CALB1: variants seen among roughly 807,000 people sequenced by gnomAD.
CALB1 encodes the protein calbindin.
A neutral mutation model predicts 46.7 loss-of-function variants in CALB1; 16 were observed. That is an observed-to-expected ratio of 0.34 (90% CI 0.23 to 0.52). CALB1 has a LOEUF of 0.52. Ranked by LOEUF, CALB1 falls within the 20% of genes least tolerant of loss-of-function variation. The probability of loss-of-function intolerance (pLI) is 0.95; values close to 1 mark genes in which losing one functional copy is unlikely to be tolerated. For missense variants in CALB1, 224 were observed against 300.3 expected (o/e 0.75, Z 1.88); for synonymous variants, 90 against 112.8 (o/e 0.80, Z 1.28).
rs766284606 is a variant in CALB1 at position 90,082,718 on chromosome 8, T to C, written c.-21A>G. 1.2e-6 allele frequency: 2 copies of C among 1,608,078 alleles called. No individual in the cohort carries two copies. Among genetic ancestry groups the C allele is most frequent in the Non-Finnish European group, 8.5e-7 (1 of 1,174,494 alleles). ...GCCATTGTACAGCGGGGTGTGTGTCTGGGTGTGTGAATATGCGTGTGTCTG... is the reference window on the plus strand; with the variant it reads ...GCCATTGTACAGCGGGGTGTGTGTCCGGGTGTGTGAATATGCGTGTGTCTG... On this transcript the variant is annotated 5_prime_UTR_variant, in exon 1 of 11. Transcript: ENST00000265431.
At chr8:90,065,840 A>G (rs1410522473) in intron 6 of CALB1, 58 bp downstream of exon 6, 12 of 1,110,934 alleles carry the variant, frequency 1.1e-5, no homozygotes, top group Non-Finnish European at 1.2e-5. Context: ...GGGAGTTAGC[A>G]AGAACATCAT....
chr8:90,073,061 G>T (rs898039461), intron 3 of CALB1, among the ~76,000 whole-genome samples: 9 of 152,154 alleles, frequency 5.9e-5, no homozygotes, highest in Non-Finnish European at 8.8e-5. Context: ...TGAGGATGGG[G>T]TCTGTGTCTT....
intron 2 of CALB1, chr8:90,081,543 C>A: frequency 4.3e-6 from 3 of 702,152 alleles, no homozygotes; most frequent in Non-Finnish European, 5.3e-6. Flanking sequence ...GGCAGAAATG[C>A]ATTTCCACCC....
intron 3 of CALB1, among the ~76,000 whole-genome samples, chr8:90,076,353 G>A (rs1790978441): frequency 6.6e-6 from 1 of 151,896 alleles, no homozygotes; most frequent in African/African-American, 2.4e-5. Context: ...GAACATGGCT[G>A]GGTTCTGACT....
chr8:90,076,442 A>C (rs1814624374), intron 3 of CALB1, among the ~76,000 whole-genome samples: 1 of 152,092 alleles, frequency 6.6e-6, no homozygotes, highest in African/African-American at 2.4e-5. Flanking sequence ...ACTATAAAAT[A>C]GATCTTCATT....
chr8:90,082,383 C>G, intron 1 of CALB1: 1 of 605,764 alleles, frequency 1.7e-6, no homozygotes, highest in South Asian at 2.0e-5. Flanking sequence ...CCTACCATTA[C>G]CGTTCCTGGA....
chr8:90,068,862 T>A (rs938453693), intron 5 of CALB1, 136 bp downstream of exon 5: 2 of 597,566 alleles, frequency 3.3e-6, no homozygotes, highest in Admixed American at 3.2e-5. Flanking sequence ...TCATTAACAA[T>A]GTCGAAGAGT....
chr8:90,060,747 T>C (rs544024624), intron 9 of CALB1, 47 bp from the exon 10 acceptor site: 60 of 1,329,190 alleles, frequency 4.5e-5, no homozygotes, highest in Non-Finnish European at 6.2e-5. Context: ...CCATCTACAG[T>C]AGTGGGAAAT....
At position 90,063,340 on chromosome 8, in the gene CALB1, A is replaced by G; in HGVS notation, c.507-20T>C. 6.3e-7 allele frequency: 1 copy of G among 1,576,974 alleles called. No individual in the cohort carries two copies. Among genetic ancestry groups the G allele is most frequent in the South Asian group, 1.1e-5 (1 of 88,546 alleles). ...AGTAACCTTTTGAGAGAAAAACATT[A>G]TATTAATATATTACATTTTTTGAAA... On this transcript the variant is annotated intron_variant, in intron 7 of 10. Coordinates refer to ENST00000265431, the MANE Select transcript of CALB1 (RefSeq NM_004929.4).
chr8:90,060,296 A>G lies in CALB1; in HGVS notation c.673-10T>C. 1 of 1,474,154 alleles carries G rather than the reference A, an allele frequency of 6.8e-7. No homozygotes were observed. 91.3% of individuals were successfully genotyped at this position (1,474,154 alleles called of 1,614,324 possible). A position where few individuals can be genotyped will look rare whatever the true frequency, so the allele number is the denominator to read the frequency against. On this transcript the variant is annotated splice_polypyrimidine_tract_variant and intron_variant, in intron 10 of 10. Coordinates refer to ENST00000265431, the MANE Select transcript of CALB1 (RefSeq NM_004929.4). ...TATTAATATCCAGATCCTGTACAGA[A>G]TATAAATGGCATTGTAATCCAGTTA...
intron 3 of CALB1, among the ~76,000 whole-genome samples, chr8:90,071,303 G>C (rs553919097): frequency 6.6e-6 from 1 of 151,982 alleles, no homozygotes; most frequent in Non-Finnish European, 1.5e-5. Flanking sequence ...TTCCTCATCT[G>C]TAAGTGGGCT....
At chr8:90,068,244 T>C (rs1814435556) in intron 5 of CALB1, among the ~76,000 whole-genome samples, 1 of 152,194 alleles carries the variant, frequency 6.6e-6, no homozygotes, top group South Asian at 2.1e-4. Context: ...ATTTTAAAGA[T>C]TAAAGAAAAT....
Position 90,081,275 on chromosome 8 carries a change from C to CT in CALB1, c.156+750dup, listed in dbSNP as rs558982874. On this transcript the variant is annotated intron_variant, in intron 2 of 10. Coordinates refer to ENST00000265431, the MANE Select transcript of CALB1 (RefSeq NM_004929.4). ...TGCTGCCCATCAGAGTATCACTTTG[C>CT]TTTTTTTACAATACATGAAATTCTT... is the stretch of plus-strand genomic sequence containing the variant. 416 of 156,968 alleles carry CT rather than the reference C, an allele frequency of 2.7e-3. 2 individuals carry two copies. The highest frequency in any genetic ancestry group is 5.6e-3 in the Admixed American group (85 of 15,284). The allele number at this position is 156,968 out of a possible 1,614,324, so 9.7% of individuals were successfully genotyped here.
chr8:90,064,804 A>C (rs1160904568), intron 6 of CALB1, among the ~76,000 whole-genome samples: 1 of 151,832 alleles, frequency 6.6e-6, no homozygotes, highest in Non-Finnish European at 1.5e-5. Flanking sequence ...GGTTGTTTTG[A>C]AATTAAAGCT....
At chr8:90,073,697 A>T (rs1035918569) in intron 3 of CALB1, among the ~76,000 whole-genome samples, 2 of 152,180 alleles carry the variant, frequency 1.3e-5, no homozygotes, top group Admixed American at 1.3e-4. Context: ...ACTTTGCCTG[A>T]TGTTTTGGAG....
Position 90,059,035 on chromosome 8 carries a change from A to C in CALB1, c.*1138T>G, listed in dbSNP as rs954183344. On this transcript the variant is annotated 3_prime_UTR_variant, in exon 11 of 11. Transcript: ENST00000265431. ...TTAGATGTATGTTAAAGAATGTTTTAGAATCTTCTTGCTAGATAAGATAAA... is the reference window on the plus strand; with the variant it reads ...TTAGATGTATGTTAAAGAATGTTTTCGAATCTTCTTGCTAGATAAGATAAA... 7 of 152,246 alleles carry C rather than the reference A, an allele frequency of 4.6e-5. No homozygotes were observed. Among genetic ancestry groups the C allele is most frequent in the African/African-American group, 1.7e-4 (7 of 41,474 alleles). 9.4% of individuals were successfully genotyped at this position (152,246 alleles called of 1,614,324 possible).
chr8:90,071,218 A>G (rs2130238698), intron 3 of CALB1, among the ~76,000 whole-genome samples: 1 of 152,276 alleles, frequency 6.6e-6, no homozygotes, highest in East Asian at 1.9e-4. Context: ...TGACAATGAG[A>G]TAGTTTAAAT....
Position 90,082,434 on chromosome 8 carries a change from T to C in CALB1, c.79+185A>G, listed in dbSNP as rs1051656393. ...GGTTTTGGGATTACGGTGGAAACAATATAAACTTTCAGGTTGACAGTTTGG... is the reference window on the plus strand; with the variant it reads ...GGTTTTGGGATTACGGTGGAAACAACATAAACTTTCAGGTTGACAGTTTGG... On this transcript the variant is annotated intron_variant, in intron 1 of 10. Transcript: ENST00000265431. 1.3e-5 allele frequency: 8 copies of C among 635,500 alleles called. No individual in the cohort carries two copies. In the African/African-American group the frequency reaches 1.5e-4, roughly 12 times the overall value. The allele number at this position is 635,500 out of a possible 1,614,324, so 39.4% of individuals were successfully genotyped here.
intron 3 of CALB1, 124 bp downstream of exon 3, chr8:90,078,249 G>A (rs1814655574): frequency 3.3e-6 from 2 of 609,518 alleles, no homozygotes; most frequent in Non-Finnish European, 2.9e-6. Flanking sequence ...AGAAGATAAT[G>A]TATTACTTAG....
Sources: allele counts gnomAD v4.1 joint callset (sites outside exome capture counted in the v4.1 genomes callset), GRCh38; gene constraint gnomAD v4.1.1; transcripts MANE v1.5; gene names NCBI Gene and HGNC (gene_info 2026-07-23, HGNC 2026-07-21).